The following SOCS7 variants were observed in gnomAD, a reference collection of about 807,000 sequenced individuals.
The protein encoded by SOCS7 is NAP-4.
A neutral mutation model predicts 58.9 loss-of-function variants in SOCS7; 18 were observed. That is an observed-to-expected ratio of 0.31 (90% CI 0.21 to 0.45). The LOEUF is 0.45. SOCS7 is among the 20% of genes least tolerant of loss of function. The probability of loss-of-function intolerance (pLI) is 1.00; values close to 1 mark genes in which losing one functional copy is unlikely to be tolerated. For synonymous variants in SOCS7, 388 were observed against 364.3 expected, an observed-to-expected ratio of 1.06 and a Z score of -0.74; for missense variants, 667 against 837.3, an observed-to-expected ratio of 0.80 and a Z score of 2.51.
At chr17:38,365,283 C>T (rs935731750) in intron 3 of SOCS7, 25 bp from the exon 4 acceptor site, 2 of 1,558,376 alleles carry the variant, frequency 1.3e-6, no homozygotes, top group Non-Finnish European at 1.8e-6. Flanking sequence ...ATTTCTGAAC[C>T]TCTTGCTTTT....
At chr17:38,395,577 A>G (rs962782740) in intron 8 of SOCS7, 133 bp downstream of exon 8, 40 of 1,019,042 alleles carry the variant, frequency 3.9e-5, no homozygotes, top group Non-Finnish European at 5.4e-5. Context: ...TCATTCTTAC[A>G]CATTTCCTGT....
chr17:38,358,108 CT>C (rs1448845974), intron 1 of SOCS7, among the ~76,000 whole-genome samples: 2 of 152,208 alleles, frequency 1.3e-5, no homozygotes, highest in African/African-American at 4.8e-5. Context: ...CTGCCCTGTC[CT>C]TTTCTGTCAC....
At chr17:38,395,517 C>T (rs1346744723) in intron 8 of SOCS7, 73 bp downstream of exon 8, 2 of 1,444,328 alleles carry the variant, frequency 1.4e-6, no homozygotes, top group East Asian at 4.6e-5. Flanking sequence ...GTCAGTGAGG[C>T]CTGCAAGCTA....
intron 2 of SOCS7, among the ~76,000 whole-genome samples, chr17:38,364,093 G>C (rs2037755361): frequency 6.6e-6 from 1 of 152,178 alleles, no homozygotes; most frequent in Admixed American, 6.5e-5. Flanking sequence ...TGGAGAAGCT[G>C]CCTCTTAGAT....
chr17:38,365,945 A>G, intron 4 of SOCS7: 1 of 1,063,774 alleles, frequency 9.4e-7, no homozygotes. Context: ...ACTATTTCCA[A>G]GGCTGCCTTA....
chr17:38,381,073 C>T (rs1270466529), intron 7 of SOCS7, among the ~76,000 whole-genome samples: 1 of 151,986 alleles, frequency 6.6e-6, no homozygotes, highest in Non-Finnish European at 1.5e-5. Flanking sequence ...TAGTAGTAAT[C>T]AGATTGAAAG....
intron 6 of SOCS7, 150 bp downstream of exon 6, chr17:38,368,200 A>G (rs937667795): frequency 1.6e-6 from 1 of 635,472 alleles, no homozygotes; most frequent in South Asian, 2.7e-5. Context: ...ATGAGCGCTG[A>G]TTTCCGTCAC....
intron 2 of SOCS7, among the ~76,000 whole-genome samples, chr17:38,362,839 G>A (rs2037737850): frequency 4.6e-5 from 7 of 152,168 alleles, no homozygotes; most frequent in Admixed American, 3.9e-4. Flanking sequence ...TCACGGTCAC[G>A]GTGGCTCATG....
At chr17:38,353,626 G>A (rs989290830) in intron 1 of SOCS7, among the ~76,000 whole-genome samples, 1 of 152,134 alleles carries the variant, frequency 6.6e-6, no homozygotes, top group East Asian at 1.9e-4. Flanking sequence ...ATAGCAGACC[G>A]GGCACAGTGG....
intron 6 of SOCS7, among the ~76,000 whole-genome samples, chr17:38,372,918 C>G (rs1015335797): frequency 5.9e-5 from 9 of 152,088 alleles, no homozygotes; most frequent in Non-Finnish European, 8.8e-5. Context: ...ACCAGCCTGA[C>G]CAACATGGAG....
chr17:38,397,150 G>A (rs1437509900), intron 9 of SOCS7, among the ~76,000 whole-genome samples: 1 of 152,184 alleles, frequency 6.6e-6, no homozygotes, highest in Non-Finnish European at 1.5e-5. Flanking sequence ...GGAATAAATG[G>A]CCTAGAAAGA....
intron 1 of SOCS7, among the ~76,000 whole-genome samples, chr17:38,356,791 G>A (rs1458289927): frequency 1.3e-5 from 2 of 152,198 alleles, no homozygotes; most frequent in Non-Finnish European, 2.9e-5. Flanking sequence ...CAAAGAGCTG[G>A]GCTTGATGCC....
intron 7 of SOCS7, among the ~76,000 whole-genome samples, chr17:38,390,347 T>C (rs1330467947): frequency 1.3e-5 from 2 of 152,158 alleles, no homozygotes; most frequent in Admixed American, 6.6e-5. Flanking sequence ...TGGAAAAGTG[T>C]GAGTCTCCAA....
chr17:38,358,755 A>G (rs2037674011), intron 1 of SOCS7, among the ~76,000 whole-genome samples: 1 of 152,156 alleles, frequency 6.6e-6, no homozygotes, highest in Admixed American at 6.5e-5. Flanking sequence ...CCTAGACTTT[A>G]GACCTTTTAC....
chr17:38,395,230 C>G (rs2038229839), intron 7 of SOCS7, 79 bp from the exon 8 acceptor site: 2 of 1,489,134 alleles, frequency 1.3e-6, no homozygotes, highest in East Asian at 2.3e-5. Flanking sequence ...TTTCCCCTCC[C>G]TAGGTTCTCT....
chr17:38,352,207 C>A lies in SOCS7; in HGVS notation c.155C>A (p.Ala52Glu). Residue 52 changes from alanine (A) to glutamate (E), a missense_variant, in exon 1 of 10, where the codon GCG (alanine) becomes GAG (glutamate). Transcript: ENST00000612932. The surrounding 1 kb of genome is among the most constrained non-coding windows in gnomAD (Gnocchi z 5.5). ...GHGPPPPPFL[A>E]RPGPRGSRPP... ...GGCCCCCCGCCGCCACCCTTCCTCG[C>A]GCGGCCCGGCCCGCGGGGCTCCCGG... is the stretch of plus-strand genomic sequence containing the variant. 7.5e-7 allele frequency: 1 copy of A among 1,333,404 alleles called. No homozygotes were observed. Among genetic ancestry groups the A allele is most frequent in the Non-Finnish European group, 9.5e-7 (1 of 1,050,566 alleles). 82.6% of individuals were successfully genotyped at this position (1,333,404 alleles called of 1,614,324 possible).
At chr17:38,388,851 C>T (rs1314944849) in intron 7 of SOCS7, among the ~76,000 whole-genome samples, 1 of 152,216 alleles carries the variant, frequency 6.6e-6, no homozygotes, top group African/African-American at 2.4e-5. Context: ...GACTGAATAA[C>T]ATTCCACTCT....
intron 6 of SOCS7, among the ~76,000 whole-genome samples, chr17:38,373,992 G>C (rs2037899973): frequency 6.6e-6 from 1 of 152,206 alleles, no homozygotes; most frequent in African/African-American, 2.4e-5. Flanking sequence ...AGGCCAAGGT[G>C]GGTGGATCAC....
At chr17:38,393,506 G>A (rs1466744393) in intron 7 of SOCS7, among the ~76,000 whole-genome samples, 1 of 151,900 alleles carries the variant, frequency 6.6e-6, no homozygotes, top group Admixed American at 6.6e-5. Context: ...GTGTGGTGGC[G>A]GGCGCCTGTA....
Sources: gnomAD v4.1 joint callset for allele counts (sites outside exome capture counted in the v4.1 genomes callset) on GRCh38, gnomAD v4.1.1 for gene constraint, Gnocchi (gnomAD v3.1) non-coding constraint, MANE v1.5 for transcripts, NCBI Gene and HGNC (gene_info 2026-07-23, HGNC 2026-07-21) for gene names.